Variants in SFT2D2 observed in about 807,000 individuals in gnomAD.
SFT2D2 encodes SFT2 domain containing 2.
Under a neutral mutation model 27.4 loss-of-function variants are expected in SFT2D2, and 21 were observed. The ratio of observed to expected loss-of-function variants is 0.77; its 90% CI spans 0.54 to 1.10. SFT2D2 has a LOEUF of 1.10. Among genes scored for constraint, SFT2D2 ranks in the 50% least tolerant of loss-of-function variants. The pLI, the probability that SFT2D2 is intolerant of heterozygous loss-of-function variation, is 0.00. For synonymous variants in SFT2D2, 72 were observed against 71.7 expected, an observed-to-expected ratio of 1.00 and a Z score of -0.02; for missense variants, 187 against 194.2, an observed-to-expected ratio of 0.96 and a Z score of 0.22.
chr1:168,227,398 G>T (rs950835261), intron 1 of SFT2D2, among the ~76,000 whole-genome samples: 1 of 152,110 alleles, frequency 6.6e-6, no homozygotes, highest in Non-Finnish European at 1.5e-5. Flanking sequence ...TTTCACCCAC[G>T]TTTGTGGTTG....
chr1:168,235,289 C>G (rs1572452903), intron 4 of SFT2D2, 107 bp downstream of exon 4: 1 of 1,084,486 alleles, frequency 9.2e-7, no homozygotes, highest in East Asian at 2.4e-5. Flanking sequence ...TTCCGTTCAG[C>G]TTGACTTATT....
At chr1:168,231,993 G>A in intron 3 of SFT2D2, 74 bp downstream of exon 3, 2 of 1,255,250 alleles carry the variant, frequency 1.6e-6, no homozygotes, top group Non-Finnish European at 2.3e-6. Context: ...CCTTGAGGGA[G>A]GTGAAAGAGG....
intron 4 of SFT2D2, 30 bp from the exon 5 acceptor site, chr1:168,236,559 C>T (rs1558176903): frequency 1.2e-6 from 2 of 1,602,024 alleles, no homozygotes; most frequent in Non-Finnish European, 8.5e-7. Flanking sequence ...ATGTTATTGT[C>T]ATTAATTAAT....
At position 168,251,898 on chromosome 1, in the gene SFT2D2, A is replaced by G. The variant is rs1647960790; in HGVS notation, c.*9358A>G. The G allele has an allele frequency of 6.6e-6, 1 of 152,180 alleles. No individual in the cohort carries two copies. Among genetic ancestry groups the G allele is most frequent in the African/African-American group, 2.4e-5 (1 of 41,442 alleles). The allele number at this position is 152,180 out of a possible 1,614,324, so 9.4% of individuals were successfully genotyped here. On this transcript the variant is annotated 3_prime_UTR_variant, in exon 8 of 8. Coordinates refer to ENST00000271375, the MANE Select transcript of SFT2D2 (RefSeq NM_199344.3). ...ATTTTTATTTTAAAAGTTTGTTGGG[A>G]GGTAAAATTGTGTGACTTTACCTTC... is the stretch of plus-strand genomic sequence containing the variant.
intron 3 of SFT2D2, among the ~76,000 whole-genome samples, chr1:168,234,054 T>C (rs1647407559): frequency 6.6e-6 from 1 of 152,200 alleles, no homozygotes. Flanking sequence ...GACAGTCTGC[T>C]TCATTTGTGA....
chr1:168,229,633 T>G (rs1700493400), intron 1 of SFT2D2: 1 of 152,468 alleles, frequency 6.6e-6, no homozygotes, highest in Admixed American at 6.5e-5. Context: ...ACCACTCTTC[T>G]TCCTACGAAC....
chr1:168,227,814 T>C lies in SFT2D2; in HGVS notation c.63+1672T>C, dbSNP rs1313187929. ...GACACTTTCTCTCCCTGCAGACTCTTGAGGGGTGGAGTGTTGACAGTGGGA... is the reference window on the plus strand; with the variant it reads ...GACACTTTCTCTCCCTGCAGACTCTCGAGGGGTGGAGTGTTGACAGTGGGA... On this transcript the variant is annotated intron_variant, in intron 1 of 7. Coordinates refer to ENST00000271375, the MANE Select transcript of SFT2D2 (RefSeq NM_199344.3). Among the ~76,000 whole-genome samples, 3 of 152,320 alleles carry C rather than the reference T, an allele frequency of 2.0e-5. No homozygotes were observed. In the East Asian group the frequency reaches 5.8e-4, roughly 29 times the overall value.
chr1:168,239,195 C>T (rs764859181), intron 7 of SFT2D2, 35 bp downstream of exon 7: 1 of 1,511,454 alleles, frequency 6.6e-7, no homozygotes, highest in Non-Finnish European at 9.2e-7. Flanking sequence ...TGATTTCTGT[C>T]ATTTTAATTC....
At chr1:168,232,416 G>A (rs1319806203) in intron 3 of SFT2D2, among the ~76,000 whole-genome samples, 1 of 152,200 alleles carries the variant, frequency 6.6e-6, no homozygotes, top group African/African-American at 2.4e-5. Context: ...TCCAGGTCAA[G>A]CTCATTCACA....
chr1:168,239,451 A>C (rs1647588243), intron 7 of SFT2D2, among the ~76,000 whole-genome samples: 1 of 145,458 alleles, frequency 6.9e-6, no homozygotes, highest in Admixed American at 6.8e-5. Flanking sequence ...CGTAGCTTTG[A>C]GTAGGGTTTT....
At position 168,235,768 on chromosome 1, in the gene SFT2D2, C is replaced by T. The variant is rs367632693; in HGVS notation, c.318+586C>T. 4.6e-5 allele frequency among the ~76,000 whole-genome samples: 7 copies of T among 152,280 alleles called. No individual in the cohort carries two copies. The East Asian group carries it at 1.2e-3, about 25-fold the overall frequency. The stretch of plus-strand genomic sequence containing the variant: ...CCTCTCATTTTTGGCCTATTTTCTT[C>T]CCTGTGGTTGTCAAAATCATTCCAG... On this transcript the variant is annotated intron_variant, in intron 4 of 7. Transcript: ENST00000271375.
At chr1:168,235,654 GCCT>G (rs1572453053) in intron 4 of SFT2D2, among the ~76,000 whole-genome samples, 1 of 152,126 alleles carries the variant, frequency 6.6e-6, no homozygotes, top group Non-Finnish European at 1.5e-5. Context: ...AGTGGGAGTG[GCCT>G]CCTTATGGCC....
chr1:168,245,242 A>C lies in SFT2D2; in HGVS notation c.*2702A>C, dbSNP rs1205163090. 1 of 152,236 alleles carries C rather than the reference A, an allele frequency of 6.6e-6. No individual in the cohort carries two copies. The highest frequency in any genetic ancestry group is 1.5e-5 in the Non-Finnish European group (1 of 68,048). 9.4% of individuals were successfully genotyped at this position (152,236 alleles called of 1,614,324 possible). A position where few individuals can be genotyped will look rare whatever the true frequency, so the allele number is the denominator to read the frequency against. ...CCATTACTAAGTTACTGAAACCAGC[A>C]AGTGAGTTTCGCAACACAGCAGGAT... On this transcript the variant is annotated 3_prime_UTR_variant, in exon 8 of 8. Transcript: ENST00000271375.
At chr1:168,227,764 A>G (rs1700476221) in intron 1 of SFT2D2, among the ~76,000 whole-genome samples, 1 of 152,180 alleles carries the variant, frequency 6.6e-6, no homozygotes, top group South Asian at 2.1e-4. Flanking sequence ...ACAAGCCTTT[A>G]TGAACAATTG....
Position 168,242,772 on chromosome 1 carries a change from A to G in SFT2D2, c.*232A>G, listed in dbSNP as rs538734702. 1.8e-6 allele frequency: 1 copy of G among 544,382 alleles called. No individual in the cohort carries two copies. Among genetic ancestry groups the G allele is most frequent in the East Asian group, 3.2e-5 (1 of 31,110 alleles). The allele number at this position is 544,382 out of a possible 1,614,324, so 33.7% of individuals were successfully genotyped here. ...TGGGTTCTGTATCTTGTGGAGTGGAATCTTCCTCATGTACCTGTTTCCTCT... is the reference window on the plus strand; with the variant it reads ...TGGGTTCTGTATCTTGTGGAGTGGAGTCTTCCTCATGTACCTGTTTCCTCT... On this transcript the variant is annotated 3_prime_UTR_variant, in exon 8 of 8. Transcript: ENST00000271375.
At chr1:168,237,661 A>G (rs1228194030) in intron 6 of SFT2D2, among the ~76,000 whole-genome samples, 2 of 152,236 alleles carry the variant, frequency 1.3e-5, no homozygotes, top group East Asian at 1.9e-4. Flanking sequence ...GTTAACTCCT[A>G]TTTGGTAGAA....
rs1647941213 is a variant in SFT2D2, at chr1:168,251,152, C to T, written c.*8612C>T. 1 of 151,800 alleles carries T rather than the reference C, an allele frequency of 6.6e-6. No individual in the cohort carries two copies. Among genetic ancestry groups the T allele is most frequent in the African/African-American group, 2.4e-5 (1 of 41,324 alleles). The allele number at this position is 151,800 out of a possible 1,614,324, so 9.4% of individuals were successfully genotyped here. A position where few individuals can be genotyped will look rare whatever the true frequency, so the allele number is the denominator to read the frequency against. Reference sequence around the variant, plus strand: ...AACCCCATCTCTACAAAAAATACAACAGCAAAAAAATCAGCCAGGCTAGCT... The same window carrying T: ...AACCCCATCTCTACAAAAAATACAATAGCAAAAAAATCAGCCAGGCTAGCT... On this transcript the variant is annotated 3_prime_UTR_variant, in exon 8 of 8. Transcript: ENST00000271375.
At chr1:168,242,431 T>C (rs138274117) in intron 7 of SFT2D2, 70 bp from the exon 8 acceptor site, 3 of 1,573,774 alleles carry the variant, frequency 1.9e-6, no homozygotes, top group Non-Finnish European at 2.6e-6. Flanking sequence ...GCTTCCACTC[T>C]GGGTGCCCTC....
rs1204651453 is a variant in SFT2D2, at chr1:168,252,123, A to T, written c.*9583A>T. On this transcript the variant is annotated 3_prime_UTR_variant, in exon 8 of 8. Transcript: ENST00000271375. ...ATGGGGAGTAGCAGAGCCTTTGTTAATGTAAATTGACAAAAAGTATGTCCT... is the reference window on the plus strand; with the variant it reads ...ATGGGGAGTAGCAGAGCCTTTGTTATTGTAAATTGACAAAAAGTATGTCCT... 10 of 152,192 alleles carry T rather than the reference A, an allele frequency of 6.6e-5. No homozygotes were observed. Among genetic ancestry groups the T allele is most frequent in the African/African-American group, 2.4e-4 (10 of 41,442 alleles). 9.4% of individuals were successfully genotyped at this position (152,192 alleles called of 1,614,324 possible).
Sources: allele counts gnomAD v4.1 joint callset (sites outside exome capture counted in the v4.1 genomes callset), GRCh38; gene constraint gnomAD v4.1.1; transcripts MANE v1.5; gene names NCBI Gene and HGNC (gene_info 2026-07-23, HGNC 2026-07-21).